STK32B: variants seen among roughly 807,000 people sequenced by gnomAD.
STK32B encodes the protein serine/threonine-protein kinase 32B.
A neutral mutation model predicts 52.6 loss-of-function variants in STK32B; 43 were observed. The ratio of observed to expected loss-of-function variants is 0.82; its 90% CI spans 0.64 to 1.05. The LOEUF (loss-of-function observed/expected upper bound fraction) is 1.05, where lower values mean the gene tolerates loss of function less well. Among genes scored for constraint, STK32B ranks in the 50% least tolerant of loss-of-function variants. The probability of loss-of-function intolerance (pLI) is 0.00; values close to 1 mark genes in which losing one functional copy is unlikely to be tolerated. For missense variants in STK32B, 621 were observed against 534.6 expected, an observed-to-expected ratio of 1.16 and a Z score of -1.59; for synonymous variants, 238 against 204.3, an observed-to-expected ratio of 1.17 and a Z score of -1.41.
intron 3 of STK32B, among the ~76,000 whole-genome samples, chr4:5,240,454 T>A (rs1560250459): frequency 1.3e-5 from 2 of 152,094 alleles, no homozygotes; most frequent in African/African-American, 4.8e-5. Context: ...TTAGGGTTCT[T>A]TTTTGTTTTG....
At chr4:5,198,412 C>T (rs532141168) in intron 3 of STK32B, among the ~76,000 whole-genome samples, 11 of 152,278 alleles carry the variant, frequency 7.2e-5, no homozygotes, top group South Asian at 2.1e-4. Context: ...TGTTTTAATA[C>T]GTGTGCCTTT....
At chr4:5,069,431 C>A (rs1711619017) in intron 1 of STK32B, among the ~76,000 whole-genome samples, 1 of 152,108 alleles carries the variant, frequency 6.6e-6, no homozygotes, top group Non-Finnish European at 1.5e-5. Flanking sequence ...GGGCCTTGTG[C>A]TTATGTATAT....
At chr4:5,302,887 A>C (rs1729656013) in intron 3 of STK32B, among the ~76,000 whole-genome samples, 1 of 152,114 alleles carries the variant, frequency 6.6e-6, no homozygotes, top group Admixed American at 6.6e-5. Context: ...CTTCACTTAG[A>C]ATAATGGTCT....
In STK32B at chr4:5,470,199, A is replaced by C. The variant is rs1273984547; in HGVS notation, c.1106+2129A>C. ...GCTTTTAGCAGAAACCTCACTATAT[A>C]GGAGCTTCAGCCGAGTAGATGTTTT... On this transcript the variant is annotated intron_variant, in intron 11 of 11. Transcript: ENST00000282908. The surrounding 1 kb of genome is among the most constrained non-coding windows in gnomAD (Gnocchi z 4.6). Among the ~76,000 whole-genome samples, 1 of 152,194 alleles carries C rather than the reference A, an allele frequency of 6.6e-6. No individual in the cohort carries two copies. Among genetic ancestry groups the C allele is most frequent in the Non-Finnish European group, 1.5e-5 (1 of 68,042 alleles).
intron 11 of STK32B, among the ~76,000 whole-genome samples, chr4:5,477,138 A>G (rs192425894): frequency 2.6e-5 from 4 of 152,330 alleles, no homozygotes; most frequent in Admixed American, 6.5e-5. Context: ...CCCGATGGGT[A>G]GTGCTGTCTC....
At chr4:5,290,353 A>G (rs187178439) in intron 3 of STK32B, among the ~76,000 whole-genome samples, 11 of 152,320 alleles carry the variant, frequency 7.2e-5, no homozygotes, top group African/African-American at 2.6e-4. Context: ...CTAAACAAAA[A>G]TGTTTTATTC....
At chr4:5,343,373 C>G (rs1336924881) in intron 4 of STK32B, among the ~76,000 whole-genome samples, 1 of 152,050 alleles carries the variant, frequency 6.6e-6, no homozygotes, top group Non-Finnish European at 1.5e-5. Context: ...GGTTGGTTCA[C>G]AAGTCTTTGC....
At chr4:5,240,856 A>G (rs917851513) in intron 3 of STK32B, among the ~76,000 whole-genome samples, 1 of 151,880 alleles carries the variant, frequency 6.6e-6, no homozygotes. Context: ...CATTTGTCTT[A>G]TTTCCATATT....
At chr4:5,483,395 C>G (rs1718884264) in intron 11 of STK32B, among the ~76,000 whole-genome samples, 1 of 152,050 alleles carries the variant, frequency 6.6e-6, no homozygotes, top group South Asian at 2.1e-4. Flanking sequence ...ATAGTGTTCT[C>G]TGATGGTAGC....
chr4:5,079,042 A>G (rs1712249503), intron 1 of STK32B, among the ~76,000 whole-genome samples: 1 of 152,314 alleles, frequency 6.6e-6, no homozygotes, highest in Middle Eastern at 3.4e-3. Flanking sequence ...CCCAGAGACA[A>G]TTGTTATGCC....
intron 3 of STK32B, among the ~76,000 whole-genome samples, chr4:5,178,204 C>T (rs1190669643): frequency 1.3e-5 from 2 of 152,238 alleles, no homozygotes; most frequent in Non-Finnish European, 2.9e-5. Flanking sequence ...TCACAAACCT[C>T]AGTTCTTGAT....
chr4:5,023,258 G>A, the STK32B span, among the ~76,000 whole-genome samples: 4 of 152,122 alleles, frequency 2.6e-5, no homozygotes, highest in Admixed American at 2.0e-4. Context: ...TCGGTTTGTG[G>A]TGATTTGTTA....
intron 3 of STK32B, among the ~76,000 whole-genome samples, chr4:5,169,106 G>C (rs978589698): frequency 2.0e-5 from 3 of 152,118 alleles, no homozygotes; most frequent in Admixed American, 2.0e-4. Context: ...CCCAGCTTAG[G>C]AAACCCTTAG....
At chr4:5,260,348 G>A (rs1039328247) in intron 3 of STK32B, among the ~76,000 whole-genome samples, 19 of 152,156 alleles carry the variant, frequency 1.2e-4, no homozygotes, top group African/African-American at 2.9e-4. Context: ...CCAGCTGAGC[G>A]CTGAGATGAT....
chr4:5,333,163 T>G (rs1169784279), intron 4 of STK32B, among the ~76,000 whole-genome samples: 3 of 152,084 alleles, frequency 2.0e-5, no homozygotes, highest in African/African-American at 4.8e-5. Flanking sequence ...ACCTGTTGTT[T>G]CCTGACTTTT....
chr4:5,053,483 C>T (rs1382930837), intron 1 of STK32B, among the ~76,000 whole-genome samples: 1 of 152,176 alleles, frequency 6.6e-6, no homozygotes, highest in Non-Finnish European at 1.5e-5. Context: ...GCTAATTTTC[C>T]TAGCATCTTT....
In STK32B at chr4:5,469,454, G is replaced by A. The variant is rs1717691175; in HGVS notation, c.1106+1384G>A. Among the ~76,000 whole-genome samples, 1 of 152,214 alleles carries A rather than the reference G, an allele frequency of 6.6e-6. No homozygotes were observed. The highest frequency in any genetic ancestry group is 1.5e-5 in the Non-Finnish European group (1 of 68,046). On this transcript the variant is annotated intron_variant, in intron 11 of 11. Transcript: ENST00000282908. The surrounding 1 kb of genome is among the most constrained non-coding windows in gnomAD (Gnocchi z 4.7). ...TGTAGGGGAAAACGCGGCATTCCAG[G>A]AGTAGGAAAAGTGCACAGAGAAGGA...
At chr4:5,450,451 G>A (rs985347791) in intron 7 of STK32B, among the ~76,000 whole-genome samples, 1 of 152,152 alleles carries the variant, frequency 6.6e-6, no homozygotes, top group East Asian at 1.9e-4. Context: ...TCAGGATCCA[G>A]GGAGCGTTGT....
At chr4:5,153,880 G>T (rs182462674) in intron 2 of STK32B, among the ~76,000 whole-genome samples, 36 of 152,160 alleles carry the variant, frequency 2.4e-4, no homozygotes, top group African/African-American at 7.9e-4. Context: ...TTATGCTTTG[G>T]AATATTTATT....
Sources: allele counts gnomAD v4.1 joint callset (sites outside exome capture counted in the v4.1 genomes callset), GRCh38; gene constraint gnomAD v4.1.1; non-coding constraint Gnocchi (gnomAD v3.1); transcripts MANE v1.5; gene names NCBI Gene and HGNC (gene_info 2026-07-23, HGNC 2026-07-21).